ZMYND8: variants seen among roughly 807,000 people sequenced by gnomAD.
The protein encoded by ZMYND8 is zinc finger MYND-type containing 8.
In ZMYND8, 37 loss-of-function variants were observed where a neutral mutation model predicts 140.8. That is an observed-to-expected ratio of 0.26 (90% CI 0.20 to 0.35). The LOEUF is 0.35. Among genes scored for constraint, ZMYND8 ranks in the 10% least tolerant of loss-of-function variants. ZMYND8 has a pLI of 1.00. For missense variants in ZMYND8, 1,068 were observed against 1,570.0 expected, an observed-to-expected ratio of 0.68 and a Z score of 5.40; for synonymous variants, 592 against 597.1, an observed-to-expected ratio of 0.99 and a Z score of 0.12.
rs1405816479 is a variant in ZMYND8 at position 47,209,776 on chromosome 20, CTG to C, written c.*983_*984del. On this transcript the variant is annotated 3_prime_UTR_variant, in exon 23 of 23. Transcript: ENST00000471951. ...CGGGCCTTGCTTTCTCTCATACTGC[CTG>C]TGTTTCATGCTTACATAAAAACGTG... 1.3e-5 allele frequency: 2 copies of C among 152,622 alleles called. No individual in the cohort carries two copies. Among genetic ancestry groups the C allele is most frequent in the East Asian group, 1.9e-4 (1 of 5,202 alleles). 9.5% of individuals were successfully genotyped at this position (152,622 alleles called of 1,614,324 possible).
intron 4 of ZMYND8, 120 bp from the exon 5 acceptor site, chr20:47,294,899 T>C (rs555805898): frequency 1.9e-4 from 170 of 878,490 alleles, no homozygotes; most frequent in Non-Finnish European, 2.7e-4. Context: ...CCAATGAGAC[T>C]TGTTGTTTCA....
intron 1 of ZMYND8, among the ~76,000 whole-genome samples, chr20:47,350,259 C>T (rs1051945786): frequency 6.7e-6 from 1 of 149,084 alleles, no homozygotes; most frequent in Non-Finnish European, 1.5e-5. Context: ...CACACATGCA[C>T]GCACACTCAC....
At chr20:47,238,025 C>G (rs2039458555) in intron 15 of ZMYND8, 1 of 152,242 alleles carries the variant, frequency 6.6e-6, no homozygotes, top group African/African-American at 2.4e-5. Context: ...ATCAACTTCT[C>G]GCACTGTACT....
intron 16 of ZMYND8, among the ~76,000 whole-genome samples, chr20:47,234,201 A>G (rs989376773): frequency 2.0e-5 from 3 of 152,240 alleles, no homozygotes; most frequent in African/African-American, 7.2e-5. Flanking sequence ...GGCGCATGCC[A>G]TCATGCCAGG....
At chr20:47,287,319 GA>G (rs2076981952) in intron 7 of ZMYND8, 35 bp from the exon 8 acceptor site, 2 of 1,563,260 alleles carry the variant, frequency 1.3e-6, no homozygotes. Context: ...AATTCTAATG[GA>G]AATACCGCAA....
rs2035095653 is a variant in ZMYND8, at chr20:47,210,530, C to T, written c.*231G>A. 2.3e-6 allele frequency: 1 copy of T among 439,102 alleles called. No homozygotes were observed. The highest frequency in any genetic ancestry group is 3.5e-5 in the Admixed American group (1 of 28,290). 27.2% of individuals were successfully genotyped at this position (439,102 alleles called of 1,614,324 possible). On this transcript the variant is annotated 3_prime_UTR_variant, in exon 23 of 23. Transcript: ENST00000471951. ...GATTCAATGACATCCACAAATTGTA[C>T]ATTATTTACACCAAAAGCACAGGGC...
rs537084082 is a variant in ZMYND8 at position 47,221,491 on chromosome 20, G to C, written c.3257-17C>G. The C allele has an allele frequency of 3.7e-5, 59 of 1,612,616 alleles. No individual in the cohort carries two copies. The highest frequency in any genetic ancestry group is 2.7e-4 in the Admixed American group (16 of 59,938). ...GAGCAGTAGCTGGGGACAAAGGAGA[G>C]AGAGAGACGCCACATATACACAGAG... On this transcript the variant is annotated splice_polypyrimidine_tract_variant and intron_variant, in intron 19 of 22. Transcript: ENST00000471951.
chr20:47,311,989 G>A (rs748671527), intron 2 of ZMYND8, among the ~76,000 whole-genome samples: 21 of 152,274 alleles, frequency 1.4e-4, no homozygotes, highest in South Asian at 6.2e-4. Flanking sequence ...ACTTAGGGAC[G>A]ATGTAATGAC....
chr20:47,313,821 T>C (rs146262010), intron 2 of ZMYND8, among the ~76,000 whole-genome samples: 4,717 of 151,584 alleles, frequency 0.031, 261 homozygotes, highest in African/African-American at 0.1. Flanking sequence ...TAGTCCCAGC[T>C]ACTTGGGAGG....
At chr20:47,220,745 T>C (rs1295610825) in intron 20 of ZMYND8, among the ~76,000 whole-genome samples, 1 of 152,244 alleles carries the variant, frequency 6.6e-6, no homozygotes, top group African/African-American at 2.4e-5. Flanking sequence ...TCTAACGATT[T>C]ATCTTTTTCC....
chr20:47,313,143 T>C (rs1299540228), intron 2 of ZMYND8, among the ~76,000 whole-genome samples: 2 of 151,386 alleles, frequency 1.3e-5, no homozygotes, highest in Non-Finnish European at 2.9e-5. Context: ...GGGGGAAGGA[T>C]TGCTTGAGCC....
At chr20:47,245,872 CCT>C (rs1453691945) in intron 14 of ZMYND8, 134 bp downstream of exon 14, 2 of 1,292,616 alleles carry the variant, frequency 1.5e-6, no homozygotes, top group South Asian at 1.6e-5. Flanking sequence ...CTTCACTGTG[CCT>C]CTCTCTCAGT....
intron 1 of ZMYND8, chr20:47,349,858 C>G (rs1045051728): frequency 6.5e-7 from 1 of 1,535,332 alleles, no homozygotes; most frequent in Non-Finnish European, 8.7e-7. Flanking sequence ...AAAAAAAACC[C>G]ACTTGAAGGA....
chr20:47,298,414 C>T lies in ZMYND8; in HGVS notation c.453+315G>A, dbSNP rs550819334. 4 of 985,362 alleles carry T rather than the reference C, an allele frequency of 4.1e-6. No individual in the cohort carries two copies. The African/African-American group carries it at 5.2e-5, about 13-fold the overall frequency. The allele number at this position is 985,362 out of a possible 1,614,324, so 61.0% of individuals were successfully genotyped here. ...TGAGATCTTTTCAAAATGTGTGAGC[C>T]GTTCATGATTTGGGAGTTAACTTTC... On this transcript the variant is annotated intron_variant, in intron 4 of 22. Transcript: ENST00000471951. This position sits in a 1 kb window ranked among gnomAD's most constrained non-coding sequence, Gnocchi z 5.0.
chr20:47,262,404 C>G lies in ZMYND8; in HGVS notation c.1505G>C (p.Gly502Ala). Residue 502 changes from glycine (G) to alanine (A), a missense_variant, in exon 12 of 23, where the codon GGA (glycine) becomes GCA (alanine). By Grantham distance (60) the Gly-to-Ala change is moderately conservative. This residue lies in a region of ZMYND8 where 173 missense variants were observed against 223.3 expected (regional missense o/e 0.77). Coordinates refer to ENST00000471951, the MANE Select transcript of ZMYND8 (RefSeq NM_001281775.3). ...GCTGCCGGATAAACTCCCTGCTTGTCCCGTCTTGGTGGAGGCTGGTGAAGC... is the reference window on the plus strand; with the variant it reads ...GCTGCCGGATAAACTCCCTGCTTGTGCCGTCTTGGTGGAGGCTGGTGAAGC... ...STASPASTKT[G>A]QAGSLSGSPK... 4 of 1,613,886 alleles carry G rather than the reference C, an allele frequency of 2.5e-6. No individual in the cohort carries two copies. Among genetic ancestry groups the G allele is most frequent in the Non-Finnish European group, 3.4e-6 (4 of 1,180,000 alleles).
In ZMYND8 at chr20:47,227,191, G is replaced by A. The variant is rs1408226425; in HGVS notation, c.3016+12C>T. 7 of 1,614,136 alleles carry A rather than the reference G, an allele frequency of 4.3e-6. No individual in the cohort carries two copies. The highest frequency in any genetic ancestry group is 5.9e-6 in the Non-Finnish European group (7 of 1,179,960). ...AACCCTCCTCAGTCCAGACCAGTGT[G>A]TCAGGCCTTACCTAAGTTGTGTTTC... On this transcript the variant is annotated intron_variant, in intron 18 of 22. Transcript: ENST00000471951.
At position 47,276,467 on chromosome 20, in the gene ZMYND8, G is replaced by A. The variant is rs1289152374; in HGVS notation, c.1327C>T (p.Arg443Trp). The A allele has an allele frequency of 3.7e-6, 6 of 1,613,954 alleles. No homozygotes were observed. Among genetic ancestry groups the A allele is most frequent in the Non-Finnish European group, 5.1e-6 (6 of 1,180,016 alleles). Residue 443 changes from arginine (R) to tryptophan (W), a missense_variant, in exon 11 of 23, where the codon CGG (arginine) becomes TGG (tryptophan). Transcript: ENST00000471951. The stretch of plus-strand genomic sequence containing the variant: ...CGCGGCATATCCGACAAGGAAATCC[G>A]GCGGCCTGTGCCCCCACTCAGCACA... ...KPVLSGGTGRRISLSDMPRSP... is the reference protein window; with the variant it reads ...KPVLSGGTGRWISLSDMPRSP...
chr20:47,240,253 G>A (rs552904624), intron 14 of ZMYND8, among the ~76,000 whole-genome samples: 9 of 152,080 alleles, frequency 5.9e-5, no homozygotes, highest in African/African-American at 2.2e-4. Context: ...AGTGGCTCAC[G>A]CCTGTAATCC....
rs184011038 is a variant in ZMYND8, at chr20:47,326,118, C to T, written c.86-15914G>A. 5.4e-4 allele frequency among the ~76,000 whole-genome samples: 82 copies of T among 152,266 alleles called. 1 individual carries two copies. Among genetic ancestry groups the T allele is most frequent in the South Asian group, 1.0e-3 (5 of 4,828 alleles). ...GATTACAGGTGCCCGCTACCACGCCCGGCTAATTCTTTGTATTTCTTAGTA... is the reference window on the plus strand; with the variant it reads ...GATTACAGGTGCCCGCTACCACGCCTGGCTAATTCTTTGTATTTCTTAGTA... On this transcript the variant is annotated intron_variant, in intron 2 of 22. Coordinates refer to ENST00000471951, the MANE Select transcript of ZMYND8 (RefSeq NM_001281775.3).
Sources: allele counts gnomAD v4.1 joint callset (sites outside exome capture counted in the v4.1 genomes callset), GRCh38; gene constraint gnomAD v4.1.1; regional missense constraint gnomAD v4.1.1; non-coding constraint Gnocchi (gnomAD v3.1); transcripts MANE v1.5; gene names NCBI Gene and HGNC (gene_info 2026-07-23, HGNC 2026-07-21).